The following NPNT variants were observed in gnomAD, a reference collection of about 807,000 sequenced individuals.
NPNT encodes preosteoblast EGF-like repeat protein with MAM domain.
A neutral mutation model predicts 68.6 loss-of-function variants in NPNT; 45 were observed. That is an observed-to-expected ratio of 0.66 (90% CI 0.52 to 0.84). The LOEUF (loss-of-function observed/expected upper bound fraction) is 0.84, where lower values mean the gene tolerates loss of function less well. Among genes scored for constraint, NPNT ranks in the 40% least tolerant of loss-of-function variants. NPNT has a pLI of 0.00. For missense variants in NPNT, 672 were observed against 714.8 expected, an observed-to-expected ratio of 0.94 and a Z score of 0.68; for synonymous variants, 233 against 253.3, an observed-to-expected ratio of 0.92 and a Z score of 0.76.
chr4:105,953,343 G>C (rs1374156554), intron 8 of NPNT, among the ~76,000 whole-genome samples: 4 of 152,120 alleles, frequency 2.6e-5, no homozygotes, highest in African/African-American at 7.2e-5. Flanking sequence ...TGCCAATTTT[G>C]CTCTTTACTG....
At chr4:105,895,787 G>A (rs186275004) in intron 1 of NPNT, 64 bp downstream of exon 1, 228 of 1,393,846 alleles carry the variant, frequency 1.6e-4, no homozygotes, top group Non-Finnish European at 2.2e-4. Context: ...ACTGTCTTGG[G>A]TCACTTTTCC....
chr4:105,958,988 A>AT (rs1395947154), intron 9 of NPNT, 40 bp from the exon 10 acceptor site: 1 of 1,323,176 alleles, frequency 7.6e-7, no homozygotes, highest in South Asian at 1.2e-5. Flanking sequence ...TTTTTTGTTG[A>AT]TTTTCTGATC....
intron 2 of NPNT, among the ~76,000 whole-genome samples, chr4:105,924,238 C>A (rs1268328675): frequency 2.0e-5 from 3 of 152,082 alleles, no homozygotes; most frequent in African/African-American, 7.2e-5. Flanking sequence ...AATTTTCATA[C>A]CCTCTATGAC....
chr4:105,898,934 G>A (rs2149311905), intron 2 of NPNT, among the ~76,000 whole-genome samples: 2 of 152,072 alleles, frequency 1.3e-5, no homozygotes, highest in East Asian at 3.9e-4. Flanking sequence ...AACTAAGTTG[G>A]GTTCTACATT....
intron 2 of NPNT, among the ~76,000 whole-genome samples, chr4:105,924,809 A>G (rs1728565902): frequency 6.6e-6 from 1 of 152,148 alleles, no homozygotes; most frequent in East Asian, 1.9e-4. Flanking sequence ...TAAATTTTTT[A>G]TGTTTTTAAG....
At position 105,897,913 on chromosome 4, in the gene NPNT, A is replaced by G. The variant is rs1225873898; in HGVS notation, c.84A>G (p.Gln28=). 2 of 1,613,310 alleles carry G rather than the reference A, an allele frequency of 1.2e-6. No homozygotes were observed. Among genetic ancestry groups the G allele is most frequent in the African/African-American group, 1.3e-5 (1 of 74,866 alleles). The change falls in exon 2 of 12, where the codon CAA becomes CAG. Residue 28 remains glutamine (Q), a synonymous_variant. Transcript: ENST00000379987. ...TTTTTTTTGGTAGGTGGCCCAGGCAAATAGTGTCATCGATTGGCCTATGTC... is the reference window on the plus strand; with the variant it reads ...TTTTTTTTGGTAGGTGGCCCAGGCAGATAGTGTCATCGATTGGCCTATGTC... ...AAEFDGRWPR[Q]IVSSIGLCRY... is the part of the protein sequence containing the mutation.
In NPNT at chr4:105,970,621, C is replaced by T; in HGVS notation, c.*1631C>T. The T allele has an allele frequency of 1.5e-6, 1 of 649,718 alleles. No homozygotes were observed. The highest frequency in any genetic ancestry group is 2.8e-6 in the Non-Finnish European group (1 of 352,330). 40.2% of individuals were successfully genotyped at this position (649,718 alleles called of 1,614,324 possible). A position where few individuals can be genotyped will look rare whatever the true frequency, so the allele number is the denominator to read the frequency against. ...TAAGGGAGCATTTCTTGGCAGGGGC[C>T]ATTGTTAGAATACTTCATAAAAAAA... On this transcript the variant is annotated 3_prime_UTR_variant, in exon 12 of 12. Coordinates refer to ENST00000379987, the MANE Select transcript of NPNT (RefSeq NM_001033047.3).
intron 2 of NPNT, among the ~76,000 whole-genome samples, chr4:105,924,309 T>C (rs1285460020): frequency 6.6e-6 from 1 of 152,224 alleles, no homozygotes; most frequent in Non-Finnish European, 1.5e-5. Flanking sequence ...AAATGTTTGA[T>C]ACGTATTTAT....
intron 10 of NPNT, among the ~76,000 whole-genome samples, chr4:105,961,482 T>C (rs1425077480): frequency 6.6e-6 from 1 of 152,246 alleles, no homozygotes; most frequent in East Asian, 1.9e-4. Context: ...TCACTGCACT[T>C]CTATGTAAAC....
rs781283871 is a variant in NPNT, at chr4:105,942,507, C to G, written c.964C>G (p.Pro322Ala). ...GCCAACAACAAGACCTACACCAAAG[C>G]CAACACCAATTCCTACTCCACCACC... Reference protein sequence around the residue: ...SKPTTRPTPKPTPIPTPPPPP... With the variant: ...SKPTTRPTPKATPIPTPPPPP... The change falls in exon 8 of 12, where the codon CCA becomes GCA. Residue 322 changes from proline (P) to alanine (A), a missense_variant. By Grantham distance (27) the Pro-to-Ala change is conservative. Coordinates refer to ENST00000379987, the MANE Select transcript of NPNT (RefSeq NM_001033047.3). The G allele has an allele frequency of 1.3e-5, 21 of 1,613,710 alleles. No individual in the cohort carries two copies. In the Admixed American group the frequency reaches 3.2e-4, roughly 24 times the overall value.
At chr4:105,916,466 C>G (rs753685377) in intron 2 of NPNT, among the ~76,000 whole-genome samples, 1 of 151,966 alleles carries the variant, frequency 6.6e-6, no homozygotes, top group Non-Finnish European at 1.5e-5. Context: ...AAGCAATCCA[C>G]GCACCTTGGC....
chr4:105,963,292 A>G (rs1380054575), intron 10 of NPNT, among the ~76,000 whole-genome samples: 1 of 152,176 alleles, frequency 6.6e-6, no homozygotes, highest in Non-Finnish European at 1.5e-5. Context: ...ACCTATTTCT[A>G]TCTAGATTAT....
intron 8 of NPNT, among the ~76,000 whole-genome samples, chr4:105,944,120 T>C (rs894297554): frequency 6.6e-6 from 1 of 152,242 alleles, no homozygotes; most frequent in African/African-American, 2.4e-5. Flanking sequence ...TAGTCATGTA[T>C]GTTTTGGATA....
At chr4:105,896,050 C>G (rs760891214) in intron 1 of NPNT, 5 of 359,598 alleles carry the variant, frequency 1.4e-5, no homozygotes, top group Non-Finnish European at 2.5e-5. Flanking sequence ...CCACCTACGC[C>G]GAGGTGACGC....
Position 105,932,485 on chromosome 4 carries a change from T to C in NPNT, c.266-4524T>C, listed in dbSNP as rs201667118. On this transcript the variant is annotated intron_variant, in intron 3 of 11. Transcript: ENST00000379987. The stretch of plus-strand genomic sequence containing the variant: ...GAACCAGAAACTATTGTTTATAAAG[T>C]ATCTAATGCATTCTTTTTAAACTCT... 2.5e-5 allele frequency: 14 copies of C among 563,072 alleles called. No individual in the cohort carries two copies. In the East Asian group the frequency reaches 4.2e-4, roughly 17 times the overall value. 34.9% of individuals were successfully genotyped at this position (563,072 alleles called of 1,614,324 possible). A position where few individuals can be genotyped will look rare whatever the true frequency, so the allele number is the denominator to read the frequency against.
At chr4:105,960,165 T>C (rs1731605434) in intron 10 of NPNT, among the ~76,000 whole-genome samples, 1 of 152,174 alleles carries the variant, frequency 6.6e-6, no homozygotes, top group Non-Finnish European at 1.5e-5. Flanking sequence ...AGGAGTTTGG[T>C]TTCATTTTTT....
chr4:105,947,353 A>G (rs986976621), intron 8 of NPNT, among the ~76,000 whole-genome samples: 8 of 152,190 alleles, frequency 5.3e-5, no homozygotes, highest in African/African-American at 1.9e-4. Context: ...AGATAATACG[A>G]TTAAGAGATT....
chr4:105,953,736 A>G (rs540153581), intron 8 of NPNT, among the ~76,000 whole-genome samples: 3 of 152,336 alleles, frequency 2.0e-5, no homozygotes, highest in Non-Finnish European at 2.9e-5. Flanking sequence ...GAATAATTAC[A>G]TATGTACCAT....
chr4:105,954,820 C>G (rs1322853394), intron 8 of NPNT, among the ~76,000 whole-genome samples: 1 of 152,186 alleles, frequency 6.6e-6, no homozygotes, highest in Non-Finnish European at 1.5e-5. Context: ...CTTAGCCAGT[C>G]CCTCACTCCC....
Sources: allele counts gnomAD v4.1 joint callset (sites outside exome capture counted in the v4.1 genomes callset), GRCh38; gene constraint gnomAD v4.1.1; transcripts MANE v1.5; gene names NCBI Gene and HGNC (gene_info 2026-07-23, HGNC 2026-07-21).